The following KDM6A variants were observed in gnomAD, a reference collection of about 807,000 sequenced individuals.
KDM6A encodes lysine-specific demethylase 6A.
KDM6A carries 11 observed loss-of-function variants against 117.6 expected under a neutral mutation model. The ratio of observed to expected loss-of-function variants is 0.09; its 90% CI spans 0.06 to 0.15. KDM6A has a LOEUF of 0.15. KDM6A is among the 10% of genes least tolerant of loss of function. The pLI is 1.00. For synonymous variants in KDM6A, 384 were observed against 396.1 expected (o/e 0.97, Z 0.36); for missense variants, 799 against 1,077.3 (o/e 0.74, Z 3.62).
chrX:44,922,026 G>T (rs1276003423), intron 2 of KDM6A, among the ~76,000 whole-genome samples: 2 of 3,704 alleles, frequency 5.4e-4, no homozygotes, highest in Non-Finnish European at 5.0e-4. Context: ...CATTGTGTGT[G>T]CCTTTTTTTT....
intron 2 of KDM6A, among the ~76,000 whole-genome samples, chrX:44,908,936 A>G (rs1343716033): frequency 1.8e-5 from 2 of 112,332 alleles, no homozygotes; most frequent in Non-Finnish European, 3.8e-5. Flanking sequence ...TTTGTTTTTA[A>G]GGAAACTTGT....
chrX:44,924,648 GGTGTGTGTGTGTGTGTGTGTGTGTGTGT>G, intron 2 of KDM6A, among the ~76,000 whole-genome samples: 1 of 90,452 alleles, frequency 1.1e-5, no homozygotes, highest in Non-Finnish European at 2.2e-5. Context: ...GGTGGTCCTG[GGTGTGTGTGTGTGTGTGTGTGTGTGTGT>G]GTGTGTGTGT....
intron 4 of KDM6A, among the ~76,000 whole-genome samples, chrX:45,002,861 G>GCCC (rs1169401246): frequency 1.4e-4 from 3 of 21,997 alleles, no homozygotes; most frequent in Admixed American, 5.7e-4. Flanking sequence ...TCCCCTCCCC[G>GCCC]CCCCCCCCCC....
chrX:45,069,612 G>T lies in KDM6A; in HGVS notation c.2113G>T (p.Gly705Cys), dbSNP rs780378787. The change falls in exon 18 of 30, where the codon GGT (glycine) becomes TGT (cysteine). Residue 705 changes from glycine (G) to cysteine (C), a missense_variant. Gly to Cys is a radical substitution (Grantham distance 159). Transcript: ENST00000611820. ...LHKGQSSHSA[G>C]PNGERPLSST... The stretch of plus-strand genomic sequence containing the variant: ...CAAAGGTCAGAGTTCACATTCGGCA[G>T]GTCCTAATGGTGAACGACCTCTCTC... 2 of 1,208,374 alleles carry T rather than the reference G, an allele frequency of 1.7e-6. No individual in the cohort carries two copies. The highest frequency in any genetic ancestry group is 2.2e-5 in the Admixed American group (1 of 45,583).
intron 8 of KDM6A, 54 bp downstream of exon 8, chrX:45,037,743 C>G (rs1346438857): frequency 1.1e-6 from 1 of 915,917 alleles, no homozygotes; most frequent in Non-Finnish European, 1.6e-6. Flanking sequence ...AATCATTACT[C>G]CTATCATGCT....
chrX:45,107,578 T>G (rs753327900), intron 28 of KDM6A, 42 bp downstream of exon 28: 15 of 1,184,267 alleles, frequency 1.3e-5, no homozygotes, highest in Admixed American at 2.2e-5. Context: ...ATAAAGCCTC[T>G]TCCCTCTCCA....
At chrX:44,989,687 G>C (rs2040468027) in intron 4 of KDM6A, among the ~76,000 whole-genome samples, 1 of 112,119 alleles carries the variant, frequency 8.9e-6, no homozygotes, top group Admixed American at 9.5e-5. Context: ...GTCTCAGTGG[G>C]GATTAGGAAA....
intron 8 of KDM6A, among the ~76,000 whole-genome samples, chrX:45,050,409 C>T (rs181022499): frequency 4.5e-5 from 5 of 111,897 alleles, no homozygotes; most frequent in African/African-American, 9.7e-5. Context: ...CTTATGTTAG[C>T]GGTGTGTGTG....
At chrX:44,919,682 C>A (rs190626808) in intron 2 of KDM6A, among the ~76,000 whole-genome samples, 1 of 103,093 alleles carries the variant, frequency 9.7e-6, no homozygotes, top group Non-Finnish European at 1.9e-5. Context: ...GCTCTGTTGC[C>A]CAGGCTGGAG....
chrX:44,884,058 C>T (rs541238056), intron 2 of KDM6A, among the ~76,000 whole-genome samples: 285 of 92,689 alleles, frequency 3.1e-3, no homozygotes, highest in South Asian at 5.0e-3. Context: ...GCCGAGATTG[C>T]ACCACTGCAC....
chrX:44,998,493 A>T (rs2040976295), intron 4 of KDM6A, among the ~76,000 whole-genome samples: 1 of 111,925 alleles, frequency 8.9e-6, no homozygotes, highest in Non-Finnish European at 1.9e-5. Flanking sequence ...ATTATAAAGA[A>T]AGTATTTGGA....
At chrX:45,074,654 C>T (rs1027052350) in intron 18 of KDM6A, among the ~76,000 whole-genome samples, 1 of 111,558 alleles carries the variant, frequency 9.0e-6, no homozygotes, top group Non-Finnish European at 1.9e-5. Context: ...AAATCTGATT[C>T]TTGTTTAGTT....
At chrX:44,960,599 A>G (rs896149464) in intron 2 of KDM6A, among the ~76,000 whole-genome samples, 5 of 111,750 alleles carry the variant, frequency 4.5e-5, no homozygotes, top group Non-Finnish European at 7.5e-5. Context: ...TCCGTTGTTC[A>G]TTTTCTCCTG....
intron 4 of KDM6A, among the ~76,000 whole-genome samples, chrX:44,994,297 T>A (rs2040760351): frequency 9.0e-6 from 1 of 111,664 alleles, no homozygotes; most frequent in Non-Finnish European, 1.9e-5. Context: ...TCTTTACTCC[T>A]ATGAGATAGA....
intron 8 of KDM6A, among the ~76,000 whole-genome samples, chrX:45,040,518 C>T (rs1334745223): frequency 1.5e-4 from 11 of 71,387 alleles, no homozygotes; most frequent in South Asian, 8.4e-4. Context: ...ACCTCCCTCC[C>T]GGACGGGGCG....
intron 23 of KDM6A, among the ~76,000 whole-genome samples, 194 bp downstream of exon 23, chrX:45,082,983 G>A (rs750304618): frequency 9.1e-6 from 1 of 109,671 alleles, no homozygotes; most frequent in African/African-American, 3.3e-5. Context: ...TAGAGATGGG[G>A]TCTCACTGTG....
chrX:44,921,383 T>C (rs964070987), intron 2 of KDM6A, among the ~76,000 whole-genome samples: 1 of 111,628 alleles, frequency 9.0e-6, no homozygotes, highest in Non-Finnish European at 1.9e-5. Flanking sequence ...TATGTACTTA[T>C]TTGTGCGTGT....
At chrX:45,066,015 A>T (rs191327761) in intron 17 of KDM6A, among the ~76,000 whole-genome samples, 26 of 111,744 alleles carry the variant, frequency 2.3e-4, no homozygotes, top group African/African-American at 6.8e-4. Context: ...AATTTACCCC[A>T]CGACCTGTGT....
intron 2 of KDM6A, among the ~76,000 whole-genome samples, chrX:44,925,337 G>A (rs1371082749): frequency 9.0e-6 from 1 of 111,239 alleles, no homozygotes; most frequent in East Asian, 2.8e-4. Flanking sequence ...CATGGAGTAA[G>A]CTGGAATAGT....
Sources: gnomAD v4.1 joint callset for allele counts (sites outside exome capture counted in the v4.1 genomes callset) on GRCh38, gnomAD v4.1.1 for gene constraint, MANE v1.5 for transcripts, NCBI Gene and HGNC (gene_info 2026-07-23, HGNC 2026-07-21) for gene names.